The following ZNF683 variants were observed in gnomAD, a reference collection of about 807,000 sequenced individuals.
ZNF683 encodes the protein tissue-resident T-cell transcription regulator protein ZNF683.
ZNF683 carries 20 observed loss-of-function variants against 31.4 expected under a neutral mutation model. The observed-to-expected ratio is 0.64, with a 90% CI of 0.45 to 0.93. The LOEUF (loss-of-function observed/expected upper bound fraction) is 0.93, where lower values mean the gene tolerates loss of function less well. Among genes scored for constraint, ZNF683 ranks in the 40% least tolerant of loss-of-function variants. The pLI is 0.00. For missense variants in ZNF683, 621 were observed against 637.2 expected, an observed-to-expected ratio of 0.97 and a Z score of 0.27; for synonymous variants, 264 against 267.6, an observed-to-expected ratio of 0.99 and a Z score of 0.13.
intron 5 of ZNF683, among the ~76,000 whole-genome samples, chr1:26,362,476 T>C (rs1399143599): frequency 6.6e-6 from 1 of 152,078 alleles, no homozygotes; most frequent in Non-Finnish European, 1.5e-5. Context: ...ACAAGTCCTA[T>C]ATTATAGTAA....
intron 1 of ZNF683, among the ~76,000 whole-genome samples, chr1:26,369,041 T>C (rs2074600653): frequency 6.6e-6 from 1 of 151,656 alleles, no homozygotes; most frequent in Non-Finnish European, 1.5e-5. Flanking sequence ...TGTCAGGAGT[T>C]CAAGACTAAC....
intron 1 of ZNF683, among the ~76,000 whole-genome samples, chr1:26,370,250 T>A (rs1211886783): frequency 6.6e-6 from 1 of 152,162 alleles, no homozygotes; most frequent in Non-Finnish European, 1.5e-5. Flanking sequence ...ATAGCTCTTC[T>A]GGACAGCTGA....
At chr1:26,374,226 G>T, upstream of ZNF683, 1 of 1,302,590 alleles carries the variant, frequency 7.7e-7, no homozygotes, top group South Asian at 1.2e-5. Flanking sequence ...TCACAGGGAA[G>T]TGAGGGGCAC....
intron 3 of ZNF683, 56 bp from the exon 4 acceptor site, chr1:26,365,282 C>G (rs758910989): frequency 2.0e-6 from 3 of 1,505,234 alleles, no homozygotes; most frequent in Non-Finnish European, 2.7e-6. Context: ...AAGTTCTGTC[C>G]GCCATCAAAC....
intron 1 of ZNF683, 121 bp downstream of exon 1, chr1:26,372,548 C>A (rs1194426796): frequency 7.7e-7 from 1 of 1,305,030 alleles, no homozygotes. Context: ...TGGCTTCCAT[C>A]TGCCAGCTCT....
rs200002788 is a variant in ZNF683, at chr1:26,361,973, C to T, written c.1193G>A (p.Arg398His). 284 of 1,613,780 alleles carry T rather than the reference C, an allele frequency of 1.8e-4. 1 individual carries two copies. Among genetic ancestry groups the T allele is most frequent in the African/African-American group, 5.3e-5 (4 of 74,920 alleles). The change falls in exon 6 of 6, where the codon CGC becomes CAC. Residue 398 changes from arginine (R) to histidine (H), a missense_variant. Arg to His is a conservative substitution (Grantham distance 29, BLOSUM62 0). Coordinates refer to ENST00000349618, the MANE Select transcript of ZNF683 (RefSeq NM_001114759.3). The stretch of plus-strand genomic sequence containing the variant: ...GAAGGGCCGGGCCCCGGAGTGCAGG[C>T]GCAGGTGGGTCTTGAGGTTACTGGA... ...SSSSNLKTHL[R>H]LHSGARPFQC...
intron 1 of ZNF683, among the ~76,000 whole-genome samples, chr1:26,372,127 A>G (rs1333207711): frequency 1.3e-5 from 2 of 152,062 alleles, no homozygotes; most frequent in Non-Finnish European, 2.9e-5. Context: ...CCAGCCATCA[A>G]TCTGCACCCC....
At chr1:26,371,344 A>G (rs547099184) in intron 1 of ZNF683, among the ~76,000 whole-genome samples, 7 of 152,320 alleles carry the variant, frequency 4.6e-5, no homozygotes, top group African/African-American at 1.7e-4. Context: ...TCACATCTGT[A>G]ATCCCAGCAC....
At chr1:26,365,538 G>A (rs937216147) in intron 3 of ZNF683, among the ~76,000 whole-genome samples, 3 of 152,210 alleles carry the variant, frequency 2.0e-5, no homozygotes, top group African/African-American at 4.8e-5. Context: ...TGCTATGTCC[G>A]AAATGGCAGC....
rs1350818084 is a variant in ZNF683 at position 26,368,498 on chromosome 1, A to T, written c.74T>A (p.Leu25Gln). ...PMALGGTGGSLSPSLDFQLFR... is the reference protein window; with the variant it reads ...PMALGGTGGSQSPSLDFQLFR... The stretch of plus-strand genomic sequence containing the variant: ...GAGCTGGAAGTCCAGGCTGGGGGAC[A>T]GGGAGCCCCCTGTACCTCCCAGGGC... Residue 25 changes from leucine (L) to glutamine (Q), a missense_variant, in exon 2 of 6, where the codon CTG becomes CAG. Transcript: ENST00000349618. The T allele has an allele frequency of 1.2e-6, 2 of 1,601,354 alleles. No individual in the cohort carries two copies. The highest frequency in any genetic ancestry group is 1.7e-6 in the Non-Finnish European group (2 of 1,174,172).
intron 1 of ZNF683, 44 bp downstream of exon 1, chr1:26,372,625 A>G: frequency 7.7e-7 from 1 of 1,304,418 alleles, no homozygotes; most frequent in Non-Finnish European, 1.0e-6. Flanking sequence ...TCTGTTAGAA[A>G]AAAATAAAAA....
intron 3 of ZNF683, 66 bp downstream of exon 3, chr1:26,367,527 C>T (rs2074551671): frequency 1.4e-6 from 2 of 1,442,528 alleles, no homozygotes; most frequent in African/African-American, 1.4e-5. Flanking sequence ...CATCCCCAAA[C>T]CTAGCAGTGC....
rs1488949910 is a variant in ZNF683 at position 26,366,179 on chromosome 1, T to G, written c.320-953A>C. ...TGGGCAACAAAAGCGAAACTCTGTT[T>G]CAAAAAAAAGAAAGAAAGAAAGAAA... On this transcript the variant is annotated intron_variant, in intron 3 of 5. Coordinates refer to ENST00000349618, the MANE Select transcript of ZNF683 (RefSeq NM_001114759.3). 2.0e-5 allele frequency among the ~76,000 whole-genome samples: 3 copies of G among 150,774 alleles called. No homozygotes were observed. In the East Asian group the frequency reaches 5.8e-4, roughly 29 times the overall value.
intron 1 of ZNF683, 34 bp downstream of exon 1, chr1:26,372,635 A>T: frequency 1.5e-6 from 2 of 1,304,006 alleles, no homozygotes; most frequent in Non-Finnish European, 1.0e-6. Flanking sequence ...AAAAATAAAA[A>T]CTACTTCCCC....
In ZNF683 at chr1:26,361,945, C is replaced by G; in HGVS notation, c.1221G>C (p.Gln407His). ...TGAAGCGACTCCGGCAGACACTGCA[C>G]TGGAAGGGCCGGGCCCCGGAGTGCA... ...LRLHSGARPF[Q>H]CSVCRSRFTQ... The change falls in exon 6 of 6, where the codon CAG (glutamine) becomes CAC (histidine). Residue 407 changes from glutamine to histidine, a missense_variant. Transcript: ENST00000349618. 6.2e-7 allele frequency: 1 copy of G among 1,613,974 alleles called. No homozygotes were observed.
chr1:26,368,336 T>C (rs2074580016), intron 2 of ZNF683, 122 bp downstream of exon 2: 2 of 1,220,118 alleles, frequency 1.6e-6, no homozygotes, highest in Non-Finnish European at 2.2e-6. Context: ...GTGCCTGGGA[T>C]AGGGGGTGCT....
chr1:26,369,476 T>G (rs2074612663), intron 1 of ZNF683, among the ~76,000 whole-genome samples: 1 of 152,086 alleles, frequency 6.6e-6, no homozygotes, highest in Non-Finnish European at 1.5e-5. Context: ...AAGACCAGCC[T>G]GACGAACATG....
Position 26,364,828 on chromosome 1 carries a change from C to A in ZNF683, c.718G>T (p.Val240Phe). 6.3e-7 allele frequency: 1 copy of A among 1,575,262 alleles called. No individual in the cohort carries two copies. Among genetic ancestry groups the A allele is most frequent in the Non-Finnish European group, 8.6e-7 (1 of 1,160,874 alleles). ...TMAMPSLLMM[V>F]NELGHPSARW... ...GCGCTGGGGTGCCCCAGCTCATTGA[C>A]CATCATCAGCAGGCTAGGCATAGCC... Residue 240 changes from valine to phenylalanine, a missense_variant, in exon 4 of 6, where the codon GTC (valine) becomes TTC (phenylalanine). Val to Phe is a conservative substitution (Grantham distance 50). Transcript: ENST00000349618.
intron 1 of ZNF683, 195 bp downstream of exon 1, chr1:26,372,474 T>A: frequency 7.7e-7 from 1 of 1,304,324 alleles, no homozygotes; most frequent in Non-Finnish European, 1.0e-6. Context: ...CAGCACTTCA[T>A]GCAGGCATAC....
Sources: allele counts gnomAD v4.1 joint callset (sites outside exome capture counted in the v4.1 genomes callset), GRCh38; gene constraint gnomAD v4.1.1; transcripts MANE v1.5; gene names NCBI Gene and HGNC (gene_info 2026-07-23, HGNC 2026-07-21).